KLHL1: variants seen among roughly 807,000 people sequenced by gnomAD.
The protein encoded by KLHL1 is kelch-like protein 1.
In KLHL1, 47 loss-of-function variants were observed where a neutral mutation model predicts 77.7. That is an observed-to-expected ratio of 0.60 (90% CI 0.48 to 0.77). The LOEUF (loss-of-function observed/expected upper bound fraction) is 0.77, where lower values mean the gene tolerates loss of function less well. Ranked by LOEUF, KLHL1 falls within the 30% of genes least tolerant of loss-of-function variation. The pLI, the probability that KLHL1 is intolerant of heterozygous loss-of-function variation, is 0.00. For synonymous variants in KLHL1, 360 were observed against 325.2 expected (o/e 1.11, Z -1.15); for missense variants, 925 against 910.8 (o/e 1.02, Z -0.20).
chr13:69,877,376 T>C (rs1880807864), intron 5 of KLHL1, among the ~76,000 whole-genome samples: 1 of 152,144 alleles, frequency 6.6e-6, no homozygotes, highest in Admixed American at 6.6e-5. Context: ...GTTATTTATT[T>C]TATAGCAACA....
intron 7 of KLHL1, among the ~76,000 whole-genome samples, chr13:69,752,917 T>C (rs966668131): frequency 1.3e-5 from 2 of 152,188 alleles, no homozygotes; most frequent in African/African-American, 4.8e-5. Context: ...ACCAAAGCCA[T>C]GCTTCTTACT....
intron 1 of KLHL1, among the ~76,000 whole-genome samples, chr13:70,007,042 A>C (rs1168581819): frequency 6.6e-6 from 1 of 151,970 alleles, no homozygotes; most frequent in Non-Finnish European, 1.5e-5. Context: ...TGGTGTTCAG[A>C]GAAAACAACC....
At chr13:69,780,747 T>TATATATAC (rs1555267698) in intron 7 of KLHL1, among the ~76,000 whole-genome samples, 7 of 95,664 alleles carry the variant, frequency 7.3e-5, no homozygotes, top group South Asian at 3.2e-4. Context: ...TATATATACA[T>TATATATAC]ATATATATAT....
intron 7 of KLHL1, among the ~76,000 whole-genome samples, chr13:69,793,721 C>T (rs57713566): frequency 2.0e-5 from 3 of 151,930 alleles, no homozygotes; most frequent in South Asian, 2.1e-4. Context: ...AGTTTCTGAA[C>T]GAGTAGAAAA....
rs568558564 is a variant in KLHL1, at chr13:69,711,872, AGTATTATGT to A, written c.2016-4085_2016-4077del. Among the ~76,000 whole-genome samples the A allele has an allele frequency of 2.0e-3, 310 of 152,260 alleles. 2 individuals are homozygous for A. The highest frequency in any genetic ancestry group is 7.1e-3 in the African/African-American group (296 of 41,558). ...TTGTTCTACATTCTCTCCAACATGC[AGTATTATGT>A]GTATTATGTGCTTTTTCATTTTAGA... On this transcript the variant is annotated intron_variant, in intron 9 of 10. Transcript: ENST00000377844.
intron 3 of KLHL1, among the ~76,000 whole-genome samples, chr13:69,945,329 C>CA (rs1349221191): frequency 4.0e-5 from 6 of 151,632 alleles, no homozygotes; most frequent in South Asian, 4.2e-4. Flanking sequence ...GATAAAATAT[C>CA]AAAAACATAA....
At chr13:69,720,354 C>A (rs1166913102) in intron 8 of KLHL1, among the ~76,000 whole-genome samples, 1 of 152,070 alleles carries the variant, frequency 6.6e-6, no homozygotes, top group East Asian at 1.9e-4. Context: ...CAGTAAGGCA[C>A]AGCATTGCAT....
In KLHL1 at chr13:69,719,425, T is replaced by C. The variant is rs765942820; in HGVS notation, c.1959A>G (p.Gly653=). Residue 653 remains glycine (G), a synonymous_variant, in exon 9 of 11, where the codon GGA becomes GGG. Coordinates refer to ENST00000377844, the MANE Select transcript of KLHL1 (RefSeq NM_020866.3). The part of the protein sequence containing the change: ...ATCDGFLYAV[G]GHDAPASNHC... Reference sequence around the variant, plus strand: ...GATTTGAAGCAGGAGCATCATGACCTCCTACTGCATAAAGAAAACCGTCAC... The same window carrying C: ...GATTTGAAGCAGGAGCATCATGACCCCCTACTGCATAAAGAAAACCGTCAC... 2 of 1,613,564 alleles carry C rather than the reference T, an allele frequency of 1.2e-6. No homozygotes were observed.
chr13:70,079,059 C>T (rs1822005830), intron 1 of KLHL1, among the ~76,000 whole-genome samples: 1 of 152,122 alleles, frequency 6.6e-6, no homozygotes, highest in African/African-American at 2.4e-5. Flanking sequence ...ACATGGAGTG[C>T]TTCAGAGTAT....
At chr13:70,072,464 C>A (rs1264282194) in intron 1 of KLHL1, among the ~76,000 whole-genome samples, 1 of 151,972 alleles carries the variant, frequency 6.6e-6, no homozygotes, top group Non-Finnish European at 1.5e-5. Flanking sequence ...CCCAGTAAAA[C>A]CAAAACCAGA....
intron 1 of KLHL1, among the ~76,000 whole-genome samples, chr13:70,009,984 G>A (rs1030846232): frequency 6.6e-6 from 1 of 151,956 alleles, no homozygotes; most frequent in South Asian, 2.1e-4. Flanking sequence ...AAGGAAAGGA[G>A]TAAGGAGGAA....
chr13:69,764,050 C>T (rs1875150053), intron 7 of KLHL1, among the ~76,000 whole-genome samples: 1 of 152,200 alleles, frequency 6.6e-6, no homozygotes, highest in East Asian at 1.9e-4. Context: ...ACATCTATGC[C>T]TGAAGTTTTG....
At chr13:70,060,440 A>G (rs544688317) in intron 1 of KLHL1, among the ~76,000 whole-genome samples, 4 of 152,266 alleles carry the variant, frequency 2.6e-5, no homozygotes, top group Non-Finnish European at 4.4e-5. Context: ...AAGAAAATCA[A>G]TATTTTAAAG....
chr13:70,017,107 G>C (rs1400188209), intron 1 of KLHL1, among the ~76,000 whole-genome samples: 1 of 152,168 alleles, frequency 6.6e-6, no homozygotes, highest in African/African-American at 2.4e-5. Flanking sequence ...TCACCCTCCA[G>C]TTTTCTGCAT....
chr13:69,981,203 T>C (rs1593647061), intron 1 of KLHL1, among the ~76,000 whole-genome samples: 1 of 150,164 alleles, frequency 6.7e-6, no homozygotes. Flanking sequence ...GGCAGTACAA[T>C]TGTGTACATT....
intron 6 of KLHL1, among the ~76,000 whole-genome samples, chr13:69,800,370 G>A (rs1490058623): frequency 2.0e-5 from 3 of 152,096 alleles, no homozygotes; most frequent in African/African-American, 4.8e-5. Flanking sequence ...TGGGCGGGGT[G>A]GAGGGAGGTG....
intron 9 of KLHL1, among the ~76,000 whole-genome samples, chr13:69,714,568 ATTT>A (rs1306462644): frequency 1.1e-4 from 16 of 151,684 alleles, no homozygotes; most frequent in Non-Finnish European, 7.4e-5. Context: ...AATCCAAATT[ATTT>A]TTATTTTATT....
intron 7 of KLHL1, among the ~76,000 whole-genome samples, chr13:69,748,900 CTAACTA>C (rs1301740680): frequency 6.6e-6 from 1 of 151,960 alleles, no homozygotes; most frequent in Non-Finnish European, 1.5e-5. Context: ...TCAAACATCT[CTAACTA>C]TAATTAAATT....
intron 6 of KLHL1, among the ~76,000 whole-genome samples, chr13:69,825,155 AT>A (rs1456881787): frequency 6.6e-6 from 1 of 152,116 alleles, no homozygotes; most frequent in African/African-American, 2.4e-5. Flanking sequence ...CTATAATAAT[AT>A]GTTGATAAAA....
Sources: gnomAD v4.1 joint callset for allele counts (sites outside exome capture counted in the v4.1 genomes callset) on GRCh38, gnomAD v4.1.1 for gene constraint, MANE v1.5 for transcripts, NCBI Gene and HGNC (gene_info 2026-07-23, HGNC 2026-07-21) for gene names.